GPC6: variants seen among roughly 807,000 people sequenced by gnomAD.
GPC6 encodes glypican 6.
Under a neutral mutation model 55.2 loss-of-function variants are expected in GPC6, and 14 were observed. The observed-to-expected ratio is 0.25, with a 90% CI of 0.17 to 0.40. The LOEUF (loss-of-function observed/expected upper bound fraction) is 0.40, where lower values mean the gene tolerates loss of function less well. Among genes scored for constraint, GPC6 ranks in the 10% least tolerant of loss-of-function variants. The pLI, the probability that GPC6 is intolerant of heterozygous loss-of-function variation, is 1.00. For missense variants in GPC6, 641 were observed against 708.5 expected (o/e 0.90, Z 1.08); for synonymous variants, 278 against 259.6 (o/e 1.07, Z -0.68).
rs1165340831 is a variant in GPC6 at position 93,249,720 on chromosome 13, C to T, written c.160+22104C>T. On this transcript the variant is annotated intron_variant, in intron 1 of 8. Transcript: ENST00000377047. Reference sequence around the variant, plus strand: ...CAGAGGTAAGAGAAAAACAGCCATGCGGGTGAGTCATCATTCCTCACTCCA... The same window carrying T: ...CAGAGGTAAGAGAAAAACAGCCATGTGGGTGAGTCATCATTCCTCACTCCA... 2.0e-5 allele frequency among the ~76,000 whole-genome samples: 3 copies of T among 152,152 alleles called. No homozygotes were observed. In the East Asian group the frequency reaches 5.8e-4, roughly 29 times the overall value.
At chr13:93,324,546 A>ATATATATATGTG (rs1879572433) in intron 1 of GPC6, among the ~76,000 whole-genome samples, 2 of 81,498 alleles carry the variant, frequency 2.5e-5, no homozygotes. Flanking sequence ...GTATGTGTGT[A>ATATATATATGTG]TATATATATA....
chr13:94,295,357 C>G (rs2139097699), intron 5 of GPC6, among the ~76,000 whole-genome samples: 1 of 152,236 alleles, frequency 6.6e-6, no homozygotes, highest in African/African-American at 2.4e-5. Context: ...TTAAAAATAT[C>G]TATGGTACCT....
chr13:93,958,490 A>G (rs531085153), intron 3 of GPC6, among the ~76,000 whole-genome samples: 2 of 152,252 alleles, frequency 1.3e-5, no homozygotes, highest in African/African-American at 2.4e-5. Context: ...GGCCTTGTCA[A>G]TCATCAGATG....
At chr13:94,206,138 T>C (rs1331525883) in intron 4 of GPC6, among the ~76,000 whole-genome samples, 1 of 152,164 alleles carries the variant, frequency 6.6e-6, no homozygotes, top group African/African-American at 2.4e-5. Flanking sequence ...TTAAGCTCCC[T>C]GGAAATTTAT....
intron 6 of GPC6, among the ~76,000 whole-genome samples, chr13:94,373,573 C>G (rs1252364662): frequency 2.0e-5 from 3 of 151,892 alleles, no homozygotes; most frequent in African/African-American, 7.3e-5. Context: ...GTGAAAAGAC[C>G]AAATCTACGT....
intron 1 of GPC6, among the ~76,000 whole-genome samples, chr13:93,525,603 C>T (rs1335785754): frequency 6.6e-6 from 1 of 152,022 alleles, no homozygotes; most frequent in Non-Finnish European, 1.5e-5. Flanking sequence ...AGTGGAAAAA[C>T]TGAACTAATT....
In GPC6 at chr13:93,976,675, T is replaced by G. The variant is rs1227992519; in HGVS notation, c.712-51054T>G. On this transcript the variant is annotated intron_variant, in intron 3 of 8. Coordinates refer to ENST00000377047, the MANE Select transcript of GPC6 (RefSeq NM_005708.5). ...ATTTCTTCTTGCTGTGACTAGAAGCTCATGGCACCCCCTCCCTTGGTGGGC... is the reference window on the plus strand; with the variant it reads ...ATTTCTTCTTGCTGTGACTAGAAGCGCATGGCACCCCCTCCCTTGGTGGGC... Among the ~76,000 whole-genome samples the G allele has an allele frequency of 2.0e-5, 3 of 151,438 alleles. No homozygotes were observed. The East Asian group carries it at 6.0e-4, about 30-fold the overall frequency.
chr13:93,754,510 A>C (rs1053976729), intron 2 of GPC6, among the ~76,000 whole-genome samples: 1 of 152,150 alleles, frequency 6.6e-6, no homozygotes, highest in African/African-American at 2.4e-5. Context: ...AAAATGACAC[A>C]TATGGCTGAG....
intron 3 of GPC6, among the ~76,000 whole-genome samples, chr13:93,937,739 T>C (rs1878509015): frequency 6.6e-6 from 1 of 152,004 alleles, no homozygotes; most frequent in Non-Finnish European, 1.5e-5. Context: ...CCACTGTGCT[T>C]GGCTAATTTT....
chr13:94,037,992 T>G (rs1282687557), intron 4 of GPC6, among the ~76,000 whole-genome samples: 1 of 151,978 alleles, frequency 6.6e-6, no homozygotes, highest in East Asian at 1.9e-4. Flanking sequence ...TGTAATTAAT[T>G]AATGTAATTA....
At chr13:94,044,267 A>G (rs1883644945) in intron 4 of GPC6, among the ~76,000 whole-genome samples, 1 of 151,862 alleles carries the variant, frequency 6.6e-6, no homozygotes, top group Non-Finnish European at 1.5e-5. Flanking sequence ...TCTTACAAGA[A>G]GGGTAGCATA....
At chr13:94,029,158 T>C (rs143284720) in intron 4 of GPC6, among the ~76,000 whole-genome samples, 183 of 152,312 alleles carry the variant, frequency 1.2e-3, no homozygotes, top group South Asian at 7.7e-3. Context: ...AAGATGTGCT[T>C]AGGTTAACAG....
chr13:94,385,099 G>A (rs941225687), intron 7 of GPC6, among the ~76,000 whole-genome samples: 1 of 152,166 alleles, frequency 6.6e-6, no homozygotes, highest in Non-Finnish European at 1.5e-5. Flanking sequence ...AATTAGCTGG[G>A]TGTGGTGGCA....
chr13:93,303,870 C>CTT (rs1476048898), intron 1 of GPC6, among the ~76,000 whole-genome samples: 1 of 126,540 alleles, frequency 7.9e-6, no homozygotes, highest in Non-Finnish European at 1.6e-5. Flanking sequence ...AATGTAGATA[C>CTT]TATTTTTTTT....
At chr13:93,988,742 A>G (rs1377186322) in intron 3 of GPC6, among the ~76,000 whole-genome samples, 3 of 152,174 alleles carry the variant, frequency 2.0e-5, no homozygotes, top group African/African-American at 7.2e-5. Context: ...AGACCATCAA[A>G]TTGAAGATTA....
intron 1 of GPC6, among the ~76,000 whole-genome samples, chr13:93,478,891 A>G (rs1014079716): frequency 3.9e-5 from 6 of 152,204 alleles, no homozygotes; most frequent in Non-Finnish European, 8.8e-5. Context: ...GAAGACTACT[A>G]TATTATAGGC....
chr13:93,843,053 T>G (rs1888011925), intron 3 of GPC6, among the ~76,000 whole-genome samples: 1 of 151,292 alleles, frequency 6.6e-6, no homozygotes, highest in Admixed American at 6.6e-5. Context: ...TAACATCACA[T>G]GCATTTCCCC....
At chr13:94,210,260 G>A (rs975615196) in intron 4 of GPC6, among the ~76,000 whole-genome samples, 3 of 150,044 alleles carry the variant, frequency 2.0e-5, no homozygotes, top group Admixed American at 6.7e-5. Context: ...AGGTTCATGC[G>A]ATTCTCCCGC....
At chr13:94,274,815 A>G (rs1350213969) in intron 4 of GPC6, among the ~76,000 whole-genome samples, 2 of 152,088 alleles carry the variant, frequency 1.3e-5, no homozygotes, top group Non-Finnish European at 2.9e-5. Flanking sequence ...CACACTTTTC[A>G]ATTTCAAGCT....
Sources: gnomAD v4.1 joint callset for allele counts (sites outside exome capture counted in the v4.1 genomes callset) on GRCh38, gnomAD v4.1.1 for gene constraint, MANE v1.5 for transcripts, NCBI Gene and HGNC (gene_info 2026-07-23, HGNC 2026-07-21) for gene names.